ZFAT: variants seen among roughly 807,000 people sequenced by gnomAD.
The protein encoded by ZFAT is zinc finger protein ZFAT.
Under a neutral mutation model 117.7 loss-of-function variants are expected in ZFAT, and 64 were observed. The observed-to-expected ratio is 0.54, with a 90% confidence interval of 0.44 to 0.67. The LOEUF (loss-of-function observed/expected upper bound fraction) is 0.67. Among genes scored for constraint, ZFAT ranks in the 30% least tolerant of loss-of-function variants. The pLI is 0.00. For synonymous variants in ZFAT, 679 were observed against 615.0 expected (o/e 1.10, Z -1.54); for missense variants, 1,433 against 1,584.5 (o/e 0.90, Z 1.62).
At chr8:134,624,866 A>C (rs76510996) in intron 3 of ZFAT, among the ~76,000 whole-genome samples, 3 of 151,132 alleles carry the variant, frequency 2.0e-5, no homozygotes, top group African/African-American at 7.2e-5. Context: ...ATATGCATTC[A>C]TTTATAATTA....
chr8:134,595,893 G>A (rs1826891030), intron 7 of ZFAT, among the ~76,000 whole-genome samples: 1 of 152,184 alleles, frequency 6.6e-6, no homozygotes, highest in Admixed American at 6.5e-5. Flanking sequence ...TTGGATATGG[G>A]CCCATTTGAA....
Position 134,529,119 on chromosome 8 carries a change from T to C in ZFAT, c.3115+3715A>G, listed in dbSNP as rs118067820. 1.0e-3 allele frequency among the ~76,000 whole-genome samples: 155 copies of C among 152,214 alleles called. No individual in the cohort carries two copies. In the East Asian group the frequency reaches 0.027, roughly 26 times the overall value. ...GAGAGGTTAAGTACCTGGTCCAAGG[T>C]CCACAGTGATCAAAAATCCCGGCCC... On this transcript the variant is annotated intron_variant, in intron 12 of 15. Coordinates refer to ENST00000377838, the MANE Select transcript of ZFAT (RefSeq NM_020863.4).
intron 11 of ZFAT, among the ~76,000 whole-genome samples, chr8:134,561,127 G>A (rs1424663906): frequency 6.6e-6 from 1 of 152,202 alleles, no homozygotes; most frequent in Non-Finnish European, 1.5e-5. Context: ...GATATCCACT[G>A]CAGGGTTACT....
intron 11 of ZFAT, among the ~76,000 whole-genome samples, chr8:134,552,531 C>T (rs754497480): frequency 1.3e-5 from 2 of 152,214 alleles, no homozygotes; most frequent in South Asian, 2.1e-4. Flanking sequence ...CTTCATGGTG[C>T]ACATTTTTGA....
intron 5 of ZFAT, among the ~76,000 whole-genome samples, chr8:134,603,892 G>A (rs902446780): frequency 6.6e-6 from 1 of 152,220 alleles, no homozygotes; most frequent in Non-Finnish European, 1.5e-5. Context: ...GCTGGCATGT[G>A]GCTCTCCATC....
intron 10 of ZFAT, among the ~76,000 whole-genome samples, chr8:134,582,812 T>C (rs1445919244): frequency 6.6e-6 from 1 of 152,196 alleles, no homozygotes; most frequent in East Asian, 1.9e-4. Flanking sequence ...AAAATAAAGA[T>C]AGAACTTAAG....
chr8:134,489,384 G>A (rs1370067472), intron 15 of ZFAT, among the ~76,000 whole-genome samples: 2 of 151,998 alleles, frequency 1.3e-5, no homozygotes, highest in African/African-American at 4.8e-5. Context: ...GTGCTCCCCA[G>A]GCCTGCTCTC....
chr8:134,531,736 G>A (rs897553406), intron 12 of ZFAT, among the ~76,000 whole-genome samples: 3 of 152,186 alleles, frequency 2.0e-5, no homozygotes, highest in Admixed American at 2.0e-4. Flanking sequence ...CAGATGGATG[G>A]CTTTAAAATT....
At chr8:134,492,516 T>C (rs916917228) in intron 15 of ZFAT, among the ~76,000 whole-genome samples, 1 of 152,192 alleles carries the variant, frequency 6.6e-6, no homozygotes, top group Admixed American at 6.6e-5. Context: ...AATATTCCCC[T>C]GTGTGTGTTT....
chr8:134,668,930 A>T (rs1204511096), intron 1 of ZFAT, among the ~76,000 whole-genome samples: 1 of 152,244 alleles, frequency 6.6e-6, no homozygotes, highest in African/African-American at 2.4e-5. Context: ...GGTGAAAACC[A>T]TGGCAGGAGA....
upstream of ZFAT, among the ~76,000 whole-genome samples, chr8:134,717,346 C>T (rs1814222285): frequency 6.6e-6 from 1 of 150,604 alleles, no homozygotes; most frequent in Non-Finnish European, 1.5e-5. Flanking sequence ...AAGGCTGCCA[C>T]TCAGTGCACC....
At chr8:134,512,417 T>C in intron 14 of ZFAT, 58 bp downstream of exon 14, 1 of 1,591,340 alleles carries the variant, frequency 6.3e-7, no homozygotes, top group Non-Finnish European at 8.6e-7. Context: ...AACGCATTCA[T>C]TCAGCATGTC....
Position 134,478,572 on chromosome 8 carries a change from G to T in ZFAT, c.3642C>A (p.Gly1214=), listed in dbSNP as rs757364628. 2 of 1,594,042 alleles carry T rather than the reference G, an allele frequency of 1.3e-6. No homozygotes were observed. Among genetic ancestry groups the T allele is most frequent in the Non-Finnish European group, 1.7e-6 (2 of 1,170,856 alleles). The change falls in exon 16 of 16, where the codon GGC becomes GGA. Residue 1214 remains glycine (G), a synonymous_variant. Coordinates refer to ENST00000377838, the MANE Select transcript of ZFAT (RefSeq NM_020863.4). This position sits in a 1 kb window ranked among gnomAD's most constrained non-coding sequence, Gnocchi z 5.2. The stretch of plus-strand genomic sequence containing the variant: ...AGACGATGAACTCCGAGGCCTCCCC[G>T]CCCTGCGTGTAGACAGTCACCGTCT... ...GIETVTVYTQ[G]GEASEFIVYV...
chr8:134,636,464 C>T (rs1237214589), intron 3 of ZFAT, among the ~76,000 whole-genome samples: 1 of 152,168 alleles, frequency 6.6e-6, no homozygotes, highest in Non-Finnish European at 1.5e-5. Context: ...ATTGTCAAAG[C>T]AACCATAGGA....
chr8:134,607,739 T>C (rs1409869884), intron 5 of ZFAT, among the ~76,000 whole-genome samples: 2 of 152,236 alleles, frequency 1.3e-5, no homozygotes, highest in African/African-American at 4.8e-5. Flanking sequence ...GGCATTTTCT[T>C]TGTCTTTCCT....
In ZFAT at chr8:134,493,312, TGA is replaced by T. The variant is rs113494961; in HGVS notation, c.3493-14593_3493-14592del. ...GACTTGTCCACCAGGTCCCTGGGCC[TGA>T]GGGGAACGGGAAGGGCCAGCTCTCT... On this transcript the variant is annotated intron_variant, in intron 15 of 15. Coordinates refer to ENST00000377838, the MANE Select transcript of ZFAT (RefSeq NM_020863.4). Among the ~76,000 whole-genome samples, 1,265 of 152,220 alleles carry T rather than the reference TGA, an allele frequency of 8.3e-3. 18 individuals carry two copies. Among genetic ancestry groups the T allele is most frequent in the African/African-American group, 0.028 (1,177 of 41,514 alleles).
intron 10 of ZFAT, among the ~76,000 whole-genome samples, chr8:134,573,839 C>T (rs772412695): frequency 1.3e-5 from 2 of 152,210 alleles, no homozygotes; most frequent in Non-Finnish European, 2.9e-5. Context: ...TCCTTTGCAG[C>T]GCTGCCTGGG....
the ZFAT span, among the ~76,000 whole-genome samples, chr8:134,823,898 T>C: frequency 6.6e-6 from 1 of 152,256 alleles, no homozygotes; most frequent in Non-Finnish European, 1.5e-5. Flanking sequence ...TTTAGCATAA[T>C]GTCGGACACT....
the ZFAT span, among the ~76,000 whole-genome samples, chr8:134,757,709 C>G: frequency 2.0e-5 from 3 of 152,178 alleles, no homozygotes; most frequent in African/African-American, 7.2e-5. Context: ...AAAACAGACT[C>G]AGGATAAGTG....
Sources: gnomAD v4.1 joint callset for allele counts (sites outside exome capture counted in the v4.1 genomes callset) on GRCh38, gnomAD v4.1.1 for gene constraint, Gnocchi (gnomAD v3.1) non-coding constraint, MANE v1.5 for transcripts, NCBI Gene and HGNC (gene_info 2026-07-23, HGNC 2026-07-21) for gene names.